The following EXOC4 variants were observed in gnomAD, a reference collection of about 807,000 sequenced individuals.
The protein encoded by EXOC4 is exocyst complex component 4, also known as SEC8-like 1.
EXOC4 carries 71 observed loss-of-function variants against 107.2 expected under a neutral mutation model. The ratio of observed to expected loss-of-function variants is 0.66; its 90% CI spans 0.55 to 0.81. The LOEUF (loss-of-function observed/expected upper bound fraction) is 0.81. Ranked by LOEUF, EXOC4 falls within the 30% of genes least tolerant of loss-of-function variation. EXOC4 has a pLI of 0.00. For missense variants in EXOC4, 1,108 were observed against 1,189.6 expected (o/e 0.93, Z 1.01); for synonymous variants, 456 against 441.2 (o/e 1.03, Z -0.42).
chr7:133,802,902 G>A (rs1028257454), intron 10 of EXOC4, among the ~76,000 whole-genome samples: 2 of 148,974 alleles, frequency 1.3e-5, no homozygotes, highest in Admixed American at 6.7e-5. Context: ...AATACCTCCT[G>A]TCCAAGAAGA....
chr7:133,940,081 CATT>C (rs1800393123), intron 14 of EXOC4, among the ~76,000 whole-genome samples: 1 of 152,144 alleles, frequency 6.6e-6, no homozygotes, highest in Admixed American at 6.5e-5. Flanking sequence ...TTTAGTATGT[CATT>C]AGCATCTAAT....
intron 6 of EXOC4, among the ~76,000 whole-genome samples, chr7:133,360,522 T>C (rs1796114379): frequency 6.6e-6 from 1 of 152,214 alleles, no homozygotes; most frequent in South Asian, 2.1e-4. Flanking sequence ...TTCTCTCTTT[T>C]GGAAGGAAAC....
chr7:133,804,594 T>C (rs1236538982), intron 10 of EXOC4, among the ~76,000 whole-genome samples: 1 of 152,186 alleles, frequency 6.6e-6, no homozygotes, highest in Non-Finnish European at 1.5e-5. Context: ...AGCCAGTTTG[T>C]TTCTTCCAGA....
At chr7:133,392,108 T>C (rs11562036) in intron 7 of EXOC4, among the ~76,000 whole-genome samples, 39,434 of 152,112 alleles carry the variant, frequency 0.26, 5,717 homozygotes, top group South Asian at 0.4. Flanking sequence ...GATATTCCCC[T>C]AGGAAAATTG....
chr7:134,042,182 A>G (rs977412977), intron 17 of EXOC4, among the ~76,000 whole-genome samples: 4 of 152,194 alleles, frequency 2.6e-5, no homozygotes, highest in Non-Finnish European at 5.9e-5. Flanking sequence ...TCCACTCAAA[A>G]GATACAGCGA....
intron 10 of EXOC4, among the ~76,000 whole-genome samples, chr7:133,781,781 C>G (rs1029856713): frequency 1.2e-4 from 19 of 152,192 alleles, no homozygotes; most frequent in African/African-American, 2.2e-4. Flanking sequence ...CTCAGACCCT[C>G]AACTCCCAAT....
chr7:134,014,576 T>C (rs1350759273), intron 17 of EXOC4, among the ~76,000 whole-genome samples: 1 of 152,124 alleles, frequency 6.6e-6, no homozygotes, highest in Non-Finnish European at 1.5e-5. Context: ...ACACTATTCA[T>C]ATGAAATGTC....
chr7:133,989,537 GA>G (rs34032888), intron 14 of EXOC4, among the ~76,000 whole-genome samples: 73,506 of 151,844 alleles, frequency 0.48, 18,896 homozygotes, highest in African/African-American at 0.65. Flanking sequence ...GCCAGAGAGA[GA>G]AAACAACACC....
chr7:133,537,768 T>G (rs1447068438), intron 9 of EXOC4, among the ~76,000 whole-genome samples: 1 of 152,212 alleles, frequency 6.6e-6, no homozygotes, highest in Non-Finnish European at 1.5e-5. Flanking sequence ...ATAACACTCT[T>G]TCATTTATTT....
rs907508958 is a variant in EXOC4 at position 133,664,316 on chromosome 7, C to G, written c.1514+34175C>G. Among the ~76,000 whole-genome samples the G allele has an allele frequency of 3.9e-5, 6 of 152,228 alleles. No individual in the cohort carries two copies. In the South Asian group the frequency reaches 1.2e-3, roughly 32 times the overall value. On this transcript the variant is annotated intron_variant, in intron 10 of 17. Transcript: ENST00000253861. ...TTTGTTCACTGTAGTTTTCGTACCA[C>G]TTAGAATGGTTCCTGACATACAGTA... is the stretch of plus-strand genomic sequence containing the variant.
intron 10 of EXOC4, among the ~76,000 whole-genome samples, chr7:133,773,863 C>G (rs192250957): frequency 6.4e-4 from 97 of 152,142 alleles, no homozygotes; most frequent in African/African-American, 2.3e-3. Context: ...CAGTAGAAGA[C>G]ATGTTTGAGA....
intron 7 of EXOC4, among the ~76,000 whole-genome samples, chr7:133,381,751 C>T (rs572194187): frequency 1.8e-4 from 28 of 152,296 alleles, no homozygotes; most frequent in Middle Eastern, 3.4e-3. Context: ...CTCCATCTTA[C>T]ACCTTATGAC....
intron 9 of EXOC4, among the ~76,000 whole-genome samples, chr7:133,516,968 T>C (rs554796124): frequency 3.3e-5 from 5 of 151,886 alleles, no homozygotes; most frequent in African/African-American, 1.2e-4. Context: ...CTAAATCTAT[T>C]CTTTCTAAAA....
chr7:134,049,884 C>T (rs191779423), intron 17 of EXOC4, among the ~76,000 whole-genome samples: 72 of 152,266 alleles, frequency 4.7e-4, no homozygotes, highest in Non-Finnish European at 7.5e-4. Flanking sequence ...AGTCATAAGA[C>T]ACAGTCTTTG....
At chr7:134,076,603 C>CAT in the EXOC4 span, among the ~76,000 whole-genome samples, 901 of 151,296 alleles carry the variant, frequency 6.0e-3, 13 homozygotes, top group African/African-American at 0.02. Context: ...GAACCAATAG[C>CAT]ATATATATAT....
At chr7:133,469,217 A>G (rs1444980466) in intron 7 of EXOC4, among the ~76,000 whole-genome samples, 1 of 152,146 alleles carries the variant, frequency 6.6e-6, no homozygotes, top group African/African-American at 2.4e-5. Flanking sequence ...GGAGATCGAG[A>G]CCATCCTGGC....
intron 14 of EXOC4, among the ~76,000 whole-genome samples, chr7:133,950,143 G>A (rs1051985971): frequency 6.6e-6 from 1 of 152,124 alleles, no homozygotes; most frequent in African/African-American, 2.4e-5. Flanking sequence ...GGCAAGGAGA[G>A]TATTATCAGA....
chr7:133,936,147 C>CT (rs1229377136), intron 13 of EXOC4, among the ~76,000 whole-genome samples: 1 of 152,146 alleles, frequency 6.6e-6, no homozygotes, highest in African/African-American at 2.4e-5. Flanking sequence ...ACCCCAAGAC[C>CT]TTTTCCAAGC....
chr7:134,095,853 C>CT, the EXOC4 span, among the ~76,000 whole-genome samples: 1 of 152,076 alleles, frequency 6.6e-6, no homozygotes, highest in South Asian at 2.1e-4. Context: ...AGACCCCAAA[C>CT]TTTAAGAATC....
Sources: gnomAD v4.1 joint callset for allele counts (sites outside exome capture counted in the v4.1 genomes callset) on GRCh38, gnomAD v4.1.1 for gene constraint, MANE v1.5 for transcripts, NCBI Gene and HGNC (gene_info 2026-07-23, HGNC 2026-07-21) for gene names.